Variants in CRACDL observed in about 807,000 individuals in gnomAD.
The protein encoded by CRACDL is CRACD-like protein.
A neutral mutation model predicts 70.6 loss-of-function variants in CRACDL; 26 were observed. That is an observed-to-expected ratio of 0.37 (90% CI 0.27 to 0.51). The LOEUF is 0.51. Among genes scored for constraint, CRACDL ranks in the 20% least tolerant of loss-of-function variants. CRACDL has a pLI of 0.94. For missense variants in CRACDL, 1,283 were observed against 1,376.9 expected (o/e 0.93, Z 1.08); for synonymous variants, 618 against 615.2 (o/e 1.00, Z -0.07).
intron 1 of CRACDL, among the ~76,000 whole-genome samples, chr2:98,875,536 C>T (rs1246414745): frequency 1.7e-5 from 1 of 57,966 alleles, no homozygotes; most frequent in East Asian, 2.9e-4. Context: ...TCCCAGTTGA[C>T]AGACAGCAAG....
intron 7 of CRACDL, among the ~76,000 whole-genome samples, chr2:98,798,717 G>T (rs1703947960): frequency 6.6e-6 from 1 of 150,446 alleles, no homozygotes; most frequent in Admixed American, 6.6e-5. Context: ...TTTGAGACAG[G>T]GTCTCACTCT....
chr2:98,857,382 C>T (rs757446080), intron 1 of CRACDL, among the ~76,000 whole-genome samples: 1 of 151,980 alleles, frequency 6.6e-6, no homozygotes, highest in African/African-American at 2.4e-5. Context: ...CTATGACAAA[C>T]ATAGATGTAA....
In CRACDL at chr2:98,822,324, G is replaced by A. The variant is rs748050292; in HGVS notation, c.1949C>T (p.Pro650Leu). Reference protein sequence around the residue: ...SGDRAASPAGPRKSPQEAAAA... With the variant: ...SGDRAASPAGLRKSPQEAAAA... ...GGCCGCCTCCTGAGGGCTCTTGCGC[G>A]GCCCGGCCGGGCTGGCCGCCCTGTC... The change falls in exon 7 of 10, where the codon CCG becomes CTG. Residue 650 changes from proline (P) to leucine (L), a missense_variant. By Grantham distance (98) the Pro-to-Leu change is moderately conservative (BLOSUM62 -3). Coordinates refer to ENST00000397899, the MANE Select transcript of CRACDL (RefSeq NM_207362.3). This position sits in a 1 kb window ranked among gnomAD's most constrained non-coding sequence, Gnocchi z 4.9. 6.9e-7 allele frequency: 1 copy of A among 1,458,354 alleles called. No homozygotes were observed. The highest frequency in any genetic ancestry group is 1.4e-5 in the South Asian group (1 of 72,474). 90.3% of individuals were successfully genotyped at this position (1,458,354 alleles called of 1,614,324 possible).
chr2:98,899,707 G>A (rs976991627), intron 1 of CRACDL, among the ~76,000 whole-genome samples: 10 of 152,258 alleles, frequency 6.6e-5, no homozygotes, highest in African/African-American at 2.4e-4. Context: ...GATGCTGGAG[G>A]CCCGAGGCTG....
At chr2:98,855,543 A>C (rs1000739505) in intron 1 of CRACDL, among the ~76,000 whole-genome samples, 1 of 151,852 alleles carries the variant, frequency 6.6e-6, no homozygotes. Flanking sequence ...AAAGTTATCC[A>C]AAAAAAAGGG....
chr2:98,885,775 T>C (rs1009060852), intron 1 of CRACDL, among the ~76,000 whole-genome samples: 8 of 152,198 alleles, frequency 5.3e-5, no homozygotes, highest in African/African-American at 1.4e-4. Context: ...TCTCTCTTGG[T>C]TAATCAAATA....
intron 7 of CRACDL, among the ~76,000 whole-genome samples, chr2:98,802,513 C>A (rs776685513): frequency 6.6e-6 from 1 of 152,256 alleles, no homozygotes; most frequent in South Asian, 2.1e-4. Context: ...TGAACCCTTT[C>A]AAAAATCCTC....
intron 2 of CRACDL, among the ~76,000 whole-genome samples, chr2:98,838,701 C>CTT (rs1705900006): frequency 1.3e-5 from 2 of 152,174 alleles, no homozygotes; most frequent in South Asian, 4.1e-4. Flanking sequence ...TTATGAATTG[C>CTT]TTTGTCTAGT....
intron 1 of CRACDL, among the ~76,000 whole-genome samples, chr2:98,899,689 G>A (rs781354074): frequency 6.6e-6 from 1 of 152,276 alleles, no homozygotes. Context: ...GAAAGGCCAG[G>A]GTGGCCTGAT....
chr2:98,820,317 G>T (rs1575344132), intron 7 of CRACDL, among the ~76,000 whole-genome samples: 1 of 151,452 alleles, frequency 6.6e-6, no homozygotes, highest in East Asian at 2.0e-4. Context: ...ATCACTTGAG[G>T]TCAGGAGCTC....
chr2:98,829,740 G>A lies in CRACDL; in HGVS notation c.541-2571C>T, dbSNP rs75665587. Among the ~76,000 whole-genome samples, 642 of 152,336 alleles carry A rather than the reference G, an allele frequency of 4.2e-3. 5 individuals carry two copies. Among genetic ancestry groups the A allele is most frequent in the African/African-American group, 0.015 (615 of 41,564 alleles). On this transcript the variant is annotated intron_variant, in intron 5 of 9. Coordinates refer to ENST00000397899, the MANE Select transcript of CRACDL (RefSeq NM_207362.3). Reference sequence around the variant, plus strand: ...TCATGGGCGGCCCTGAGTGACAGGTGCTTTAGGATGTGTGTCCTCAAAAAG... The same window carrying A: ...TCATGGGCGGCCCTGAGTGACAGGTACTTTAGGATGTGTGTCCTCAAAAAG...
chr2:98,872,487 G>T (rs1707376077), intron 1 of CRACDL, among the ~76,000 whole-genome samples: 1 of 152,086 alleles, frequency 6.6e-6, no homozygotes, highest in African/African-American at 2.4e-5. Context: ...TTATTTATTG[G>T]GTACAATGTG....
At chr2:98,829,105 C>T (rs1038356003) in intron 5 of CRACDL, among the ~76,000 whole-genome samples, 1 of 152,252 alleles carries the variant, frequency 6.6e-6, no homozygotes, top group East Asian at 1.9e-4. Context: ...TAAGAATGAT[C>T]ACGGTGCCTG....
At chr2:98,862,965 C>T (rs1204669666) in intron 1 of CRACDL, among the ~76,000 whole-genome samples, 3 of 152,086 alleles carry the variant, frequency 2.0e-5, no homozygotes, top group Middle Eastern at 3.4e-3. Context: ...TCTATATATA[C>T]ATTTTACATT....
intron 1 of CRACDL, among the ~76,000 whole-genome samples, chr2:98,860,209 T>C (rs1288985381): frequency 6.6e-6 from 1 of 152,230 alleles, no homozygotes; most frequent in East Asian, 1.9e-4. Context: ...TATTATTAAA[T>C]GGCAGTATTC....
chr2:98,851,677 A>C (rs1450488659), intron 1 of CRACDL, among the ~76,000 whole-genome samples: 1 of 152,188 alleles, frequency 6.6e-6, no homozygotes, highest in Non-Finnish European at 1.5e-5. Flanking sequence ...AGAGCTAAGT[A>C]TTTTAAATAG....
chr2:98,795,225 G>T (rs910855039), intron 9 of CRACDL, among the ~76,000 whole-genome samples: 1 of 150,826 alleles, frequency 6.6e-6, no homozygotes, highest in South Asian at 2.1e-4. Flanking sequence ...ACAGACATGC[G>T]CCACCATGCC....
At chr2:98,857,530 TA>T (rs1664365989) in intron 1 of CRACDL, among the ~76,000 whole-genome samples, 1 of 152,112 alleles carries the variant, frequency 6.6e-6, no homozygotes, top group African/African-American at 2.4e-5. Context: ...TTATAAGGCC[TA>T]GATCAGCTAC....
chr2:98,832,886 C>T lies in CRACDL; in HGVS notation c.351G>A (p.Val117=). Residue 117 remains valine, a synonymous_variant, in exon 4 of 10, where the codon GTG becomes GTA. Transcript: ENST00000397899. ...CCTGCAGAGCTTTAATCCGATCACA[C>T]ACATTTTCTTGGGAAAACACCCGCA... ...RPVRVFSQEN[V]CDRIKALQLK... 3 of 1,614,212 alleles carry T rather than the reference C, an allele frequency of 1.9e-6. No homozygotes were observed. Among genetic ancestry groups the T allele is most frequent in the Middle Eastern group, 1.6e-4 (1 of 6,062 alleles).
Sources: gnomAD v4.1 joint callset for allele counts (sites outside exome capture counted in the v4.1 genomes callset) on GRCh38, gnomAD v4.1.1 for gene constraint, Gnocchi (gnomAD v3.1) non-coding constraint, MANE v1.5 for transcripts, NCBI Gene and HGNC (gene_info 2026-07-23, HGNC 2026-07-21) for gene names.